The following DCAF6 variants were observed in gnomAD, a reference collection of about 807,000 sequenced individuals.
DCAF6 encodes DDB1 and CUL4 associated factor 6.
DCAF6 carries 54 observed loss-of-function variants against 125.1 expected under a neutral mutation model. The observed-to-expected ratio is 0.43, with a 90% CI of 0.35 to 0.54. The LOEUF (loss-of-function observed/expected upper bound fraction) is 0.54, where lower values mean the gene tolerates loss of function less well. DCAF6 is among the 20% of genes least tolerant of loss of function. DCAF6 has a pLI of 0.01. For missense variants in DCAF6, 934 were observed against 1,161.7 expected, an observed-to-expected ratio of 0.80 and a Z score of 2.85; for synonymous variants, 371 against 390.4, an observed-to-expected ratio of 0.95 and a Z score of 0.58.
chr1:167,893,803 G>C, the DCAF6 span: 2 of 1,244,100 alleles, frequency 1.6e-6, no homozygotes, highest in Non-Finnish European at 2.3e-6. Context: ...AATTCCAGCT[G>C]TCCAGATCCC....
At chr1:167,990,204 AT>A (rs1017982528) in intron 5 of DCAF6, among the ~76,000 whole-genome samples, 1 of 151,954 alleles carries the variant, frequency 6.6e-6, no homozygotes, top group Non-Finnish European at 1.5e-5. Flanking sequence ...TTTGTACAAA[AT>A]TTTTTTTAAA....
intron 9 of DCAF6, 34 bp downstream of exon 9, chr1:168,004,023 G>C: frequency 6.3e-7 from 1 of 1,598,586 alleles, no homozygotes; most frequent in Non-Finnish European, 8.5e-7. Context: ...TCATCAGAAA[G>C]CTGGCAAAAA....
At chr1:167,972,153 G>C (rs184940294) in intron 3 of DCAF6, among the ~76,000 whole-genome samples, 118 of 152,296 alleles carry the variant, frequency 7.7e-4, no homozygotes, top group East Asian at 1.7e-3. Context: ...CGCCATGCCT[G>C]GCCCAGCTAT....
At chr1:167,897,243 T>C in the DCAF6 span, among the ~76,000 whole-genome samples, 3 of 150,136 alleles carry the variant, frequency 2.0e-5, no homozygotes, top group South Asian at 4.2e-4. Flanking sequence ...CCTAGCACTT[T>C]GGGAGGCTGA....
At chr1:167,912,781 C>T in the DCAF6 span, among the ~76,000 whole-genome samples, 1 of 152,198 alleles carries the variant, frequency 6.6e-6, no homozygotes. Context: ...CTTGGTGTTC[C>T]TCCACTCATC....
upstream of DCAF6, chr1:167,936,230 ACCT>A (rs1334975283): frequency 2.1e-5 from 5 of 234,200 alleles, no homozygotes; most frequent in East Asian, 2.5e-4. Flanking sequence ...TCGAGCGGAA[ACCT>A]CCTCCTTCTC....
chr1:167,944,980 C>T (rs1471971985), intron 1 of DCAF6, among the ~76,000 whole-genome samples: 3 of 152,166 alleles, frequency 2.0e-5, no homozygotes, highest in Non-Finnish European at 4.4e-5. Context: ...AAGAGGGTTT[C>T]GTTTCCACAG....
chr1:168,046,513 G>A (rs1294763810), intron 16 of DCAF6, among the ~76,000 whole-genome samples: 2 of 152,044 alleles, frequency 1.3e-5, no homozygotes, highest in African/African-American at 4.8e-5. Flanking sequence ...CTTTGCCATG[G>A]CACTTTTTTT....
chr1:167,878,692 G>A, the DCAF6 span: 8 of 1,538,964 alleles, frequency 5.2e-6, no homozygotes, highest in Non-Finnish European at 7.2e-6. Context: ...TGAACTGAAT[G>A]TAATCTGAAA....
chr1:167,958,724 T>C (rs1675140652), intron 2 of DCAF6, among the ~76,000 whole-genome samples: 3 of 152,148 alleles, frequency 2.0e-5, no homozygotes, highest in Admixed American at 1.3e-4. Context: ...TTATTTTGAA[T>C]TTTTTTAGAG....
At chr1:167,947,006 C>G (rs1394789166) in intron 1 of DCAF6, among the ~76,000 whole-genome samples, 1 of 152,044 alleles carries the variant, frequency 6.6e-6, no homozygotes, top group Non-Finnish European at 1.5e-5. Context: ...TGGTACTGGG[C>G]TTTTCTTTGT....
At chr1:167,937,746 A>AT (rs142854521) in intron 1 of DCAF6, among the ~76,000 whole-genome samples, 4,545 of 149,762 alleles carry the variant, frequency 0.03, 229 homozygotes, top group African/African-American at 0.11. Flanking sequence ...TTTGCATAAC[A>AT]TTTTTTTTTT....
chr1:167,933,382 G>T (rs374881957), upstream of DCAF6, among the ~76,000 whole-genome samples: 118 of 152,140 alleles, frequency 7.8e-4, 1 homozygote, highest in South Asian at 0.023. Context: ...GGTCAGGCTG[G>T]TCTCAAACTC....
the DCAF6 span, among the ~76,000 whole-genome samples, chr1:167,895,000 TG>T: frequency 6.6e-6 from 1 of 151,962 alleles, no homozygotes; most frequent in African/African-American, 2.4e-5. Flanking sequence ...CTGGCCAACA[TG>T]GGAAACCCTG....
At chr1:168,042,504 G>A (rs1688668388) in intron 13 of DCAF6, among the ~76,000 whole-genome samples, 2 of 151,892 alleles carry the variant, frequency 1.3e-5, no homozygotes, top group Non-Finnish European at 2.9e-5. Context: ...ACAGAACTAT[G>A]ATGCTCAGTC....
chr1:167,899,284 T>G, the DCAF6 span: 4 of 837,736 alleles, frequency 4.8e-6, no homozygotes, highest in Non-Finnish European at 8.0e-6. Flanking sequence ...CTAAAGCCTC[T>G]GTAGCCTAAC....
chr1:168,038,402 A>G lies in DCAF6; in HGVS notation c.1641A>G (p.Pro547=). 5.0e-6 allele frequency: 8 copies of G among 1,611,926 alleles called. No homozygotes were observed. The highest frequency in any genetic ancestry group is 6.8e-6 in the Non-Finnish European group (8 of 1,178,958). The stretch of plus-strand genomic sequence containing the variant: ...ATAATGAAAAGCTGAGCCCCAAACC[A>G]GGGACAGGTGAACCAGTTTTAAGTT... ...DNNNEKLSPK[P]GTGEPVLSLH... is the part of the protein sequence containing the mutation. Residue 547 remains proline, a synonymous_variant, in exon 13 of 22, where the codon CCA becomes CCG. Transcript: ENST00000367840.
rs961262424 is a variant in DCAF6, at chr1:167,936,845, G to C, written c.-67G>C. 4.4e-6 allele frequency: 6 copies of C among 1,358,482 alleles called. No homozygotes were observed. Among genetic ancestry groups the C allele is most frequent in the Non-Finnish European group, 5.1e-6 (5 of 976,898 alleles). The allele number at this position is 1,358,482 out of a possible 1,614,324, so 84.2% of individuals were successfully genotyped here. ...CGGTGCGGCTCGGGTGTTGAAACGG[G>C]TGTCCCCTCCCCCTCCTCCCCTCCC... On this transcript the variant is annotated 5_prime_UTR_variant, in exon 1 of 22. Coordinates refer to ENST00000367840, the MANE Select transcript of DCAF6 (RefSeq NM_001198956.2).
the DCAF6 span, among the ~76,000 whole-genome samples, chr1:167,898,747 G>A: frequency 1.3e-5 from 2 of 152,270 alleles, no homozygotes; most frequent in East Asian, 1.9e-4. Context: ...GAGTGTGGGA[G>A]TGCCTCCTAT....
Sources: gnomAD v4.1 joint callset for allele counts (sites outside exome capture counted in the v4.1 genomes callset) on GRCh38, gnomAD v4.1.1 for gene constraint, MANE v1.5 for transcripts, NCBI Gene and HGNC (gene_info 2026-07-23, HGNC 2026-07-21) for gene names.